JMY: variants seen among roughly 807,000 people sequenced by gnomAD.
JMY encodes the protein junction-mediating and -regulatory protein.
JMY carries 46 observed loss-of-function variants against 103.3 expected under a neutral mutation model. That is an observed-to-expected ratio of 0.45 (90% CI 0.35 to 0.57). The LOEUF is 0.57. Ranked by LOEUF, JMY falls within the 20% of genes least tolerant of loss-of-function variation. JMY has a pLI of 0.00. For missense variants in JMY, 1,238 were observed against 1,255.2 expected (o/e 0.99, Z 0.21); for synonymous variants, 526 against 489.3 (o/e 1.07, Z -0.99).
intron 1 of JMY, among the ~76,000 whole-genome samples, chr5:79,257,962 C>A (rs1045544602): frequency 4.6e-5 from 7 of 152,032 alleles, no homozygotes; most frequent in African/African-American, 1.7e-4. Context: ...AGGGTTTCAC[C>A]ATGTTGGCCA....
At chr5:79,317,063 AT>A (rs35881465) in intron 10 of JMY, among the ~76,000 whole-genome samples, 6 of 149,948 alleles carry the variant, frequency 4.0e-5, no homozygotes, top group South Asian at 2.1e-4. Flanking sequence ...CAATACGTCA[AT>A]TTTTTTTTTA....
intron 1 of JMY, among the ~76,000 whole-genome samples, chr5:79,249,980 C>A (rs1445348472): frequency 6.6e-6 from 1 of 152,174 alleles, no homozygotes; most frequent in African/African-American, 2.4e-5. Flanking sequence ...TAACTATATA[C>A]CTACATCATA....
At position 79,236,878 on chromosome 5, in the gene JMY, C is replaced by A; in HGVS notation, c.228C>A (p.Asp76Glu). The change falls in exon 1 of 11, where the codon GAC becomes GAA. Residue 76 changes from aspartate to glutamate, a missense_variant. Asp to Glu is a conservative substitution (Grantham distance 45). Transcript: ENST00000396137. ...CCGAGGCCGGCGGAGCTGCGTCCGA[C>A]GGGAGCCGCGGGCCCGGCAGCCCGG... ...GGAEAGGAAS[D>E]GSRGPGSPAG... 7.2e-7 allele frequency: 1 copy of A among 1,386,030 alleles called. No homozygotes were observed. The highest frequency in any genetic ancestry group is 1.8e-5 in the South Asian group (1 of 56,166). 85.9% of individuals were successfully genotyped at this position (1,386,030 alleles called of 1,614,324 possible).
rs545850052 is a variant in JMY at position 79,237,580 on chromosome 5, C to T, written c.930C>T (p.Phe310=). 2.5e-6 allele frequency: 4 copies of T among 1,613,710 alleles called. No individual in the cohort carries two copies. The highest frequency in any genetic ancestry group is 3.4e-6 in the Non-Finnish European group (4 of 1,180,012). ...CGWKILSQVL[F]TETDDPEEYY... The stretch of plus-strand genomic sequence containing the variant: ...GGAAGATCCTCTCCCAGGTGCTCTT[C>T]ACCGAGACCGATGATCCCGAGGAGT... The change falls in exon 1 of 11, where the codon TTC becomes TTT. Residue 310 remains phenylalanine (F), a synonymous_variant. Coordinates refer to ENST00000396137, the MANE Select transcript of JMY (RefSeq NM_152405.5).
chr5:79,254,431 C>G (rs1452687538), intron 1 of JMY, among the ~76,000 whole-genome samples: 1 of 152,134 alleles, frequency 6.6e-6, no homozygotes, highest in Non-Finnish European at 1.5e-5. Flanking sequence ...GTATTCTATT[C>G]TAGGGTAAAA....
rs182414674 is a variant in JMY at position 79,247,325 on chromosome 5, T to C, written c.1032+9643T>C. Among the ~76,000 whole-genome samples, 11 of 152,260 alleles carry C rather than the reference T, an allele frequency of 7.2e-5. No individual in the cohort carries two copies. The East Asian group carries it at 2.1e-3, about 29-fold the overall frequency. ...TATTTTTCCTTTTTATTTTTTGAGA[T>C]GGAGTCTCACTCTGTCACCCAGGCT... On this transcript the variant is annotated intron_variant, in intron 1 of 10. Transcript: ENST00000396137.
At position 79,325,981 on chromosome 5, in the gene JMY, G is replaced by A. The variant is rs1231913849; in HGVS notation, c.*4379G>A. On this transcript the variant is annotated 3_prime_UTR_variant, in exon 11 of 11. Coordinates refer to ENST00000396137, the MANE Select transcript of JMY (RefSeq NM_152405.5). ...TTTCTACGTTTTGCCCACAGTAAAT[G>A]TACAACTTCGCAATTGTAGGATTTA... 6.6e-6 allele frequency: 1 copy of A among 152,112 alleles called. No homozygotes were observed. Among genetic ancestry groups the A allele is most frequent in the Admixed American group, 6.6e-5 (1 of 15,264 alleles). The allele number at this position is 152,112 out of a possible 1,614,324, so 9.4% of individuals were successfully genotyped here.
At chr5:79,272,780 T>C (rs1313949054) in intron 1 of JMY, among the ~76,000 whole-genome samples, 1 of 152,094 alleles carries the variant, frequency 6.6e-6, no homozygotes, top group Non-Finnish European at 1.5e-5. Context: ...ATTGCAGGTG[T>C]GTGCTGCCAT....
At chr5:79,308,043 C>T (rs959469635) in intron 7 of JMY, among the ~76,000 whole-genome samples, 1 of 152,056 alleles carries the variant, frequency 6.6e-6, no homozygotes, top group African/African-American at 2.4e-5. Context: ...AGCCTTTTTG[C>T]TCATTTTTTA....
intron 1 of JMY, among the ~76,000 whole-genome samples, chr5:79,265,264 A>C (rs1477373468): frequency 1.3e-5 from 2 of 152,164 alleles, no homozygotes; most frequent in African/African-American, 4.8e-5. Flanking sequence ...TATATGTTTT[A>C]ATTTTATAGA....
rs1351472266 is a variant in JMY, at chr5:79,312,384, A to T, written c.1969-19A>T. ...AATTGGGACACAGCATAATGGAATT[A>T]TTATTAATTTTTTACCAGAAGAGAG... On this transcript the variant is annotated intron_variant, in intron 7 of 10. Coordinates refer to ENST00000396137, the MANE Select transcript of JMY (RefSeq NM_152405.5). The T allele has an allele frequency of 4.3e-6, 6 of 1,406,524 alleles. No individual in the cohort carries two copies. Among genetic ancestry groups the T allele is most frequent in the Non-Finnish European group, 5.9e-6 (6 of 1,021,820 alleles). The allele number at this position is 1,406,524 out of a possible 1,614,324, so 87.1% of individuals were successfully genotyped here.
intron 1 of JMY, among the ~76,000 whole-genome samples, chr5:79,252,337 GTTTT>G (rs71615515): frequency 7.7e-6 from 1 of 130,526 alleles, no homozygotes; most frequent in Non-Finnish European, 1.7e-5. Flanking sequence ...TGATAGTCAG[GTTTT>G]TTTTTTTTTT....
chr5:79,317,873 G>A (rs1463506122), intron 10 of JMY, among the ~76,000 whole-genome samples: 1 of 152,012 alleles, frequency 6.6e-6, no homozygotes, highest in Non-Finnish European at 1.5e-5. Flanking sequence ...TGTAGAGACA[G>A]GGTCTCCTTA....
In JMY at chr5:79,314,657, C is replaced by T. The variant is rs1171651292; in HGVS notation, c.2465C>T (p.Pro822Leu). The change falls in exon 9 of 11, where the codon CCA becomes CTA. Residue 822 changes from proline to leucine, a missense_variant. Pro to Leu is a moderately conservative substitution (Grantham distance 98). Transcript: ENST00000396137. ...PPPPPPPPPP[P>L]PPPLPVAKDS... ...CCCCCACCTCCTCCCCCTCCCCCAC[C>T]ACCACCACCTCTGCCTGTTGCTAAG... is the stretch of plus-strand genomic sequence containing the variant. 6.2e-7 allele frequency: 1 copy of T among 1,605,176 alleles called. No homozygotes were observed. The highest frequency in any genetic ancestry group is 1.1e-5 in the South Asian group (1 of 90,084).
At chr5:79,315,411 A>G (rs1747186948) in intron 9 of JMY, among the ~76,000 whole-genome samples, 2 of 152,076 alleles carry the variant, frequency 1.3e-5, no homozygotes, top group African/African-American at 2.4e-5. Context: ...AATTATTTCT[A>G]AAAAGAGCAG....
At chr5:79,320,032 A>T (rs960210631) in intron 10 of JMY, among the ~76,000 whole-genome samples, 2 of 152,170 alleles carry the variant, frequency 1.3e-5, no homozygotes, top group Non-Finnish European at 2.9e-5. Flanking sequence ...AGCCATAGTC[A>T]TGCTCAAGGA....
In JMY at chr5:79,276,326, C is replaced by T. The variant is rs529853519; in HGVS notation, c.1033-1584C>T. On this transcript the variant is annotated intron_variant, in intron 1 of 10. Coordinates refer to ENST00000396137, the MANE Select transcript of JMY (RefSeq NM_152405.5). ...TAGAGGTGGGGTTTCACCATGTTGG[C>T]CAAGACTGCTCTCAAACTCCTGACC... is the stretch of plus-strand genomic sequence containing the variant. Among the ~76,000 whole-genome samples the T allele has an allele frequency of 1.4e-4, 21 of 152,180 alleles. No homozygotes were observed. The South Asian group carries it at 3.7e-3, about 27-fold the overall frequency.
chr5:79,301,702 GCTA>G (rs1367207580), intron 6 of JMY, among the ~76,000 whole-genome samples: 3 of 152,114 alleles, frequency 2.0e-5, no homozygotes, highest in Non-Finnish European at 4.4e-5. Context: ...ATGTGCCTTT[GCTA>G]TTTCCCCGTG....
At chr5:79,280,887 G>T (rs1395059808) in intron 2 of JMY, among the ~76,000 whole-genome samples, 3 of 145,266 alleles carry the variant, frequency 2.1e-5, no homozygotes, top group African/African-American at 2.5e-5. Context: ...CTGGTTACTT[G>T]TTACTTCTAA....
Sources: allele counts gnomAD v4.1 joint callset (sites outside exome capture counted in the v4.1 genomes callset), GRCh38; gene constraint gnomAD v4.1.1; transcripts MANE v1.5; gene names NCBI Gene and HGNC (gene_info 2026-07-23, HGNC 2026-07-21).